The following TRAPPC2L variants were observed in gnomAD, a reference collection of about 807,000 sequenced individuals.
TRAPPC2L encodes the protein trafficking protein particle complex subunit 2-like protein.
In TRAPPC2L, 17 loss-of-function variants were observed where a neutral mutation model predicts 13.2. The ratio of observed to expected loss-of-function variants is 1.29; its 90% CI spans 0.88 to 1.93. TRAPPC2L has a LOEUF of 1.93. TRAPPC2L is among the 30% of genes most tolerant of loss of function. The pLI, the probability that TRAPPC2L is intolerant of heterozygous loss-of-function variation, is 0.00. For synonymous variants in TRAPPC2L, 150 were observed against 98.1 expected, an observed-to-expected ratio of 1.53 and a Z score of -3.12; for missense variants, 359 against 252.1, an observed-to-expected ratio of 1.42 and a Z score of -2.87.
intron 1 of TRAPPC2L, chr16:88,857,417 G>C (rs944041259): frequency 1.6e-5 from 8 of 489,200 alleles, no homozygotes; most frequent in South Asian, 5.7e-5. Context: ...CGGCGCAGCA[G>C]GTCTCCTCCC....
In TRAPPC2L at chr16:88,859,640, G is replaced by A. The variant is rs920922687; in HGVS notation, c.207-23G>A. ...CACCGGCAGTCCCTGTGTTACGAGT[G>A]CCTTCCCTAACCAGCTGTGCAGATA... On this transcript the variant is annotated intron_variant, in intron 2 of 3. Transcript: ENST00000565504. 9.9e-6 allele frequency: 16 copies of A among 1,611,800 alleles called. No homozygotes were observed. In the African/African-American group the frequency reaches 2.0e-4, roughly 20 times the overall value.
At chr16:88,861,572 C>T in exon 4 of TRAPPC2L, 1 of 467,620 alleles carries the variant, frequency 2.1e-6, no homozygotes, top group Admixed American at 2.4e-5. Context: ...CCTTGGAGCG[C>T]AGACTTGAGG....
chr16:88,862,009 C>T (rs12596491), exon 4 of TRAPPC2L: 72,688 of 194,194 alleles, frequency 0.37, 14,783 homozygotes, highest in East Asian at 0.55. Flanking sequence ...GAATTGGAAG[C>T]CCTGGAATGG....
At chr16:88,859,745 C>G in exon 3 of TRAPPC2L, 1 of 1,613,700 alleles carries the variant, frequency 6.2e-7, no homozygotes, top group Non-Finnish European at 8.5e-7. Flanking sequence ...CAACGAAATT[C>G]GCAGCGTAAG....
At chr16:88,860,802 C>G (rs1409909420) in exon 4 of TRAPPC2L, 3 of 1,219,474 alleles carry the variant, frequency 2.5e-6, no homozygotes, top group Non-Finnish European at 3.5e-6. Context: ...ATTTCTGGAC[C>G]CTGGAGAAGG....
At position 88,860,399 on chromosome 16, in the gene TRAPPC2L, A is replaced by G. The variant is rs986471412; in HGVS notation, c.*75A>G. On this transcript the variant is annotated 3_prime_UTR_variant, in exon 4 of 4. Coordinates refer to ENST00000565504, the Ensembl canonical transcript of TRAPPC2L. ...TCCGAATAGTCCACAAAGTAAACAG[A>G]TTTAACTTTTGAACATCATGAGGGA... is the stretch of plus-strand genomic sequence containing the variant. 3 of 612,240 alleles carry G rather than the reference A, an allele frequency of 4.9e-6. No individual in the cohort carries two copies. In the African/African-American group the frequency reaches 5.5e-5, roughly 11 times the overall value. The allele number at this position is 612,240 out of a possible 1,614,324, so 37.9% of individuals were successfully genotyped here. A position where few individuals can be genotyped will look rare whatever the true frequency, so the allele number is the denominator to read the frequency against.
In TRAPPC2L at chr16:88,861,211, C is replaced by T. The variant is rs572476192; in HGVS notation, c.*887C>T. The T allele has an allele frequency of 1.1e-4, 60 of 527,452 alleles. 1 individual carries two copies. The highest frequency in any genetic ancestry group is 7.5e-4 in the South Asian group (36 of 48,262). The allele number at this position is 527,452 out of a possible 1,614,324, so 32.7% of individuals were successfully genotyped here. The stretch of plus-strand genomic sequence containing the variant: ...TGGGCAGAGGTTTGGGATCAGATGG[C>T]GCAGGTAGCCTGTCCTCAGTTGTCC... On this transcript the variant is annotated 3_prime_UTR_variant, in exon 4 of 4. Coordinates refer to ENST00000565504, the Ensembl canonical transcript of TRAPPC2L.
chr16:88,858,639 C>A (rs779940140), exon 2 of TRAPPC2L: 22 of 1,612,980 alleles, frequency 1.4e-5, no homozygotes, highest in Middle Eastern at 1.6e-4. Context: ...TCTACATTCG[C>A]AGCACCCCTA....
chr16:88,856,391 G>A (rs1264907099), upstream of TRAPPC2L: 9 of 701,862 alleles, frequency 1.3e-5, no homozygotes, highest in African/African-American at 5.2e-5. Flanking sequence ...TTTCCCAAGA[G>A]TAGAGGGCGG....
At chr16:88,857,068 G>T, upstream of TRAPPC2L, 1 of 1,495,254 alleles carries the variant, frequency 6.7e-7, no homozygotes, top group Non-Finnish European at 8.9e-7. Context: ...TGAGCCAGCT[G>T]TGTGCGGATG....
chr16:88,857,356 G>C, intron 1 of TRAPPC2L, 173 bp downstream of exon 1: 4 of 589,008 alleles, frequency 6.8e-6, no homozygotes, highest in Non-Finnish European at 8.5e-6. Flanking sequence ...GGCAGACCCT[G>C]ACTGAGACCC....
chr16:88,859,883 T>G lies in TRAPPC2L; in HGVS notation c.295-10T>G, dbSNP rs1597626993. 1 of 1,552,402 alleles carries G rather than the reference T, an allele frequency of 6.4e-7. No individual in the cohort carries two copies. The highest frequency in any genetic ancestry group is 8.7e-7 in the Non-Finnish European group (1 of 1,150,210). On this transcript the variant is annotated splice_polypyrimidine_tract_variant and intron_variant, in intron 3 of 3. Coordinates refer to ENST00000565504, the Ensembl canonical transcript of TRAPPC2L. The stretch of plus-strand genomic sequence containing the variant: ...TGTGGCAAGGTCATGGTTTGCTGGG[T>G]CTTTTTCAGATGTTCCGGAAGCTAC...
At chr16:88,860,987 G>C (rs1347242157) in exon 4 of TRAPPC2L, 9 of 1,568,486 alleles carry the variant, frequency 5.7e-6, no homozygotes, top group Non-Finnish European at 7.8e-6. Flanking sequence ...CCATCGCAGA[G>C]GAGCCCGCGC....
chr16:88,859,140 T>C (rs941094046), intron 2 of TRAPPC2L: 2 of 432,612 alleles, frequency 4.6e-6, no homozygotes, highest in Non-Finnish European at 8.6e-6. Context: ...GTTTCATTTA[T>C]TTCATTAGGC....
chr16:88,859,298 C>T, intron 2 of TRAPPC2L: 2 of 620,544 alleles, frequency 3.2e-6, no homozygotes, highest in South Asian at 1.5e-5. Flanking sequence ...ATAATGTGGC[C>T]TCTAGAGAGG....
At chr16:88,859,593 T>C (rs771210359) in intron 2 of TRAPPC2L, 70 bp from the exon 3 acceptor site, 10 of 1,426,584 alleles carry the variant, frequency 7.0e-6, no homozygotes, top group South Asian at 1.1e-5. Context: ...TTCTCCAAAG[T>C]GAGGGCCCAC....
chr16:88,858,762 C>T (rs775004547), exon 2 of TRAPPC2L: 2 of 1,613,376 alleles, frequency 1.2e-6, no homozygotes, highest in East Asian at 2.2e-5. Flanking sequence ...TGTACCTGGG[C>T]CTGCTCTACC....
exon 4 of TRAPPC2L, chr16:88,860,875 G>A (rs891310209): frequency 1.3e-6 from 2 of 1,571,772 alleles, no homozygotes; most frequent in East Asian, 2.3e-5. Context: ...GGGGTGGAGG[G>A]CCTGGCTCTC....
intron 1 of TRAPPC2L, 78 bp from the exon 2 acceptor site, chr16:88,858,541 G>C (rs556418604): frequency 2.0e-6 from 3 of 1,499,632 alleles, no homozygotes; most frequent in Non-Finnish European, 2.7e-6. Flanking sequence ...TGCAGGTCAC[G>C]GCTCTGCAGC....
Sources: gnomAD v4.1 joint callset for allele counts on GRCh38, gnomAD v4.1.1 for gene constraint, MANE v1.5 for transcripts, NCBI Gene and HGNC (gene_info 2026-07-23, HGNC 2026-07-21) for gene names.